CFAP20DC: variants seen among roughly 807,000 people sequenced by gnomAD.
CFAP20DC encodes the protein CFAP20 domain containing, also known as protein CFAP20DC.
A neutral mutation model predicts 101.7 loss-of-function variants in CFAP20DC; 84 were observed. That is an observed-to-expected ratio of 0.83 (90% CI 0.69 to 0.99). The LOEUF is 0.99. Ranked by LOEUF, CFAP20DC falls within the 50% of genes least tolerant of loss-of-function variation. CFAP20DC has a pLI of 0.00. For synonymous variants in CFAP20DC, 359 were observed against 351.2 expected (o/e 1.02, Z -0.25); for missense variants, 1,007 against 970.3 (o/e 1.04, Z -0.50).
intron 4 of CFAP20DC, among the ~76,000 whole-genome samples, chr3:58,959,852 T>A (rs1319729762): frequency 6.6e-6 from 1 of 152,236 alleles, no homozygotes; most frequent in Non-Finnish European, 1.5e-5. Flanking sequence ...AAGATTGTCA[T>A]CTTAACAATA....
At chr3:58,748,359 G>T (rs1024722504) in intron 16 of CFAP20DC, among the ~76,000 whole-genome samples, 1 of 152,146 alleles carries the variant, frequency 6.6e-6, no homozygotes, top group Non-Finnish European at 1.5e-5. Flanking sequence ...TGGGTTGCAC[G>T]TGGTGGATAG....
At position 58,742,523 on chromosome 3, in the gene CFAP20DC, C is replaced by A. The variant is rs376533872; in HGVS notation, c.2382G>T (p.Leu794Phe). The A allele has an allele frequency of 6.2e-7, 1 of 1,609,574 alleles. No homozygotes were observed. The highest frequency in any genetic ancestry group is 1.3e-5 in the African/African-American group (1 of 74,762). The change falls in exon 17 of 17, where the codon TTG becomes TTT. Residue 794 changes from leucine to phenylalanine, a missense_variant. Coordinates refer to ENST00000482387, the MANE Select transcript of CFAP20DC (RefSeq NM_001394063.1). ...AGTAACAGTTCAGACAAGGGTCATA[C>A]AACAAAGTCAGTACTTCCTCGTCCT... ...VEEDEEVLTLLYDPCLNCYFD... is the reference protein window; with the variant it reads ...VEEDEEVLTLFYDPCLNCYFD...
intron 14 of CFAP20DC, among the ~76,000 whole-genome samples, chr3:58,825,241 C>G (rs1377315271): frequency 4.6e-5 from 7 of 152,142 alleles, no homozygotes; most frequent in African/African-American, 1.7e-4. Context: ...CCTAGAAATT[C>G]TGTTCTGATC....
intron 4 of CFAP20DC, among the ~76,000 whole-genome samples, chr3:58,943,709 G>T (rs2088952428): frequency 1.3e-5 from 2 of 152,036 alleles, no homozygotes; most frequent in Admixed American, 1.3e-4. Flanking sequence ...AAACAAAACT[G>T]GACAGAGAAT....
At chr3:59,039,708 G>C (rs6446005) in intron 3 of CFAP20DC, 79 bp from the exon 4 acceptor site, 155,687 of 808,612 alleles carry the variant, frequency 0.19, 17,136 homozygotes, top group African/African-American at 0.37. Flanking sequence ...CACAAACCAC[G>C]AACAAGCTGA....
At position 59,014,206 on chromosome 3, in the gene CFAP20DC, G is replaced by A. The variant is rs2093644740; in HGVS notation, c.278+25351C>T. Among the ~76,000 whole-genome samples the A allele has an allele frequency of 6.6e-6, 1 of 152,094 alleles. No individual in the cohort carries two copies. The highest frequency in any genetic ancestry group is 6.6e-5 in the Admixed American group (1 of 15,260). ...GGCCTTGAAGAATTTCTTGTTCACT[G>A]ACCAGATCAATCACATAACAAAATG... On this transcript the variant is annotated intron_variant, in intron 4 of 16. Coordinates refer to ENST00000482387, the MANE Select transcript of CFAP20DC (RefSeq NM_001394063.1). This position sits in a 1 kb window ranked among gnomAD's most constrained non-coding sequence, Gnocchi z 4.9.
chr3:59,048,893 G>C (rs555338412), intron 1 of CFAP20DC, among the ~76,000 whole-genome samples: 1 of 152,126 alleles, frequency 6.6e-6, no homozygotes, highest in Non-Finnish European at 1.5e-5. Context: ...AAAGCAGGTC[G>C]AGACACTCTA....
rs372829120 is a variant in CFAP20DC, at chr3:58,924,994, A to G, written c.394-11130T>C. 5.7e-4 allele frequency among the ~76,000 whole-genome samples: 86 copies of G among 151,802 alleles called. 2 individuals carry two copies. In the East Asian group the frequency reaches 7.2e-3, roughly 13 times the overall value. On this transcript the variant is annotated intron_variant, in intron 5 of 16. Coordinates refer to ENST00000482387, the MANE Select transcript of CFAP20DC (RefSeq NM_001394063.1). ...TTATTTTTATAGTTTTTATTTCTCT[A>G]TTTATGTTCCCCCCTTGTTTTCTCA...
chr3:59,037,840 G>A (rs558626484), intron 4 of CFAP20DC, among the ~76,000 whole-genome samples: 2 of 152,134 alleles, frequency 1.3e-5, no homozygotes, highest in African/African-American at 4.8e-5. Flanking sequence ...TGTTTATTAC[G>A]GCACTGTTCA....
chr3:58,930,093 T>G (rs1272200055), intron 5 of CFAP20DC, among the ~76,000 whole-genome samples: 1 of 152,168 alleles, frequency 6.6e-6, no homozygotes, highest in Non-Finnish European at 1.5e-5. Flanking sequence ...CTCTGACCAC[T>G]CTCCTTTTAC....
intron 16 of CFAP20DC, among the ~76,000 whole-genome samples, chr3:58,749,973 T>C (rs1476157964): frequency 2.0e-5 from 3 of 152,204 alleles, no homozygotes; most frequent in Non-Finnish European, 4.4e-5. Flanking sequence ...AAGTGTGTTA[T>C]AGCCCAGGAG....
At chr3:58,909,092 T>C (rs1237560059) in intron 6 of CFAP20DC, among the ~76,000 whole-genome samples, 1 of 152,186 alleles carries the variant, frequency 6.6e-6, no homozygotes, top group Non-Finnish European at 1.5e-5. Flanking sequence ...GGTCTTTACC[T>C]ATTTGCAAGA....
chr3:58,867,260 T>C (rs768212902), intron 10 of CFAP20DC, among the ~76,000 whole-genome samples: 3 of 152,342 alleles, frequency 2.0e-5, no homozygotes, highest in African/African-American at 4.8e-5. Flanking sequence ...TAGACTGATA[T>C]ATGTGTATAC....
At chr3:58,775,040 C>T (rs1380240832) in intron 15 of CFAP20DC, among the ~76,000 whole-genome samples, 1 of 152,082 alleles carries the variant, frequency 6.6e-6, no homozygotes, top group Non-Finnish European at 1.5e-5. Flanking sequence ...GTTTATTTTG[C>T]CAAGGTTGAG....
chr3:58,989,047 A>T (rs2092845652), intron 4 of CFAP20DC, among the ~76,000 whole-genome samples: 1 of 152,178 alleles, frequency 6.6e-6, no homozygotes, highest in Non-Finnish European at 1.5e-5. Flanking sequence ...ATGTAAAATT[A>T]ATGATAAACT....
intron 15 of CFAP20DC, among the ~76,000 whole-genome samples, chr3:58,804,607 T>C (rs1335631111): frequency 1.3e-5 from 2 of 152,318 alleles, no homozygotes; most frequent in Non-Finnish European, 2.9e-5. Flanking sequence ...AGGTGATCCA[T>C]CTGCCTTAGT....
At position 58,772,898 on chromosome 3, in the gene CFAP20DC, G is replaced by T. The variant is rs1478534248; in HGVS notation, c.2238-19035C>A. On this transcript the variant is annotated intron_variant, in intron 15 of 16. Coordinates refer to ENST00000482387, the MANE Select transcript of CFAP20DC (RefSeq NM_001394063.1). Reference sequence around the variant, plus strand: ...TATGCATAGAAAATTTCTGAAGAATGCCCAAGAAACTGTTAACCATAATCA... The same window carrying T: ...TATGCATAGAAAATTTCTGAAGAATTCCCAAGAAACTGTTAACCATAATCA... Among the ~76,000 whole-genome samples the T allele has an allele frequency of 2.0e-5, 3 of 152,214 alleles. No individual in the cohort carries two copies. In the East Asian group the frequency reaches 5.8e-4, roughly 29 times the overall value.
intron 3 of CFAP20DC, chr3:58,727,806 T>TTG (rs2067577854): frequency 6.6e-6 from 1 of 152,186 alleles, no homozygotes; most frequent in Non-Finnish European, 1.5e-5. Flanking sequence ...GATAGAAAAG[T>TTG]TGTGTTTTCA....
intron 5 of CFAP20DC, among the ~76,000 whole-genome samples, chr3:58,928,315 C>T (rs904124782): frequency 1.3e-5 from 2 of 152,198 alleles, no homozygotes; most frequent in Non-Finnish European, 2.9e-5. Context: ...AATATCTACT[C>T]TGCAGAGGGA....
Sources: gnomAD v4.1 joint callset for allele counts (sites outside exome capture counted in the v4.1 genomes callset) on GRCh38, gnomAD v4.1.1 for gene constraint, Gnocchi (gnomAD v3.1) non-coding constraint, MANE v1.5 for transcripts, NCBI Gene and HGNC (gene_info 2026-07-23, HGNC 2026-07-21) for gene names.